The following STRN variants were observed in gnomAD, a reference collection of about 807,000 sequenced individuals.
The protein encoded by STRN is protein phosphatase 2 regulatory subunit B'''alpha.
In STRN, 53 loss-of-function variants were observed where a neutral mutation model predicts 96.3. That is an observed-to-expected ratio of 0.55 (90% CI 0.44 to 0.69). STRN has a LOEUF of 0.69. Ranked by LOEUF, STRN falls within the 30% of genes least tolerant of loss-of-function variation. The pLI is 0.00. For missense variants in STRN, 987 were observed against 963.9 expected, an observed-to-expected ratio of 1.02 and a Z score of -0.32; for synonymous variants, 428 against 355.9, an observed-to-expected ratio of 1.20 and a Z score of -2.28.
rs1667878029 is a variant in STRN, at chr2:36,838,762, A to G, written c.*10694T>C. 6.6e-6 allele frequency among the ~76,000 whole-genome samples: 1 copy of G among 152,192 alleles called. No individual in the cohort carries two copies. Among genetic ancestry groups the G allele is most frequent in the Non-Finnish European group, 1.5e-5 (1 of 68,020 alleles). On this transcript the variant is annotated 3_prime_UTR_variant, in exon 18 of 18. Transcript: ENST00000263918. ...GTAAAACCATCATGGTGACAAACAT[A>G]TACACAGGAATGTTTATTGTAATAA...
chr2:36,877,242 G>C (rs1362189924), intron 10 of STRN, among the ~76,000 whole-genome samples: 1 of 152,120 alleles, frequency 6.6e-6, no homozygotes, highest in East Asian at 1.9e-4. Flanking sequence ...AAAGAAGCAA[G>C]GCAAATATTG....
intron 2 of STRN, among the ~76,000 whole-genome samples, chr2:36,918,974 T>C (rs892055015): frequency 2.6e-5 from 4 of 152,304 alleles, no homozygotes; most frequent in African/African-American, 9.6e-5. Context: ...CTTTATTGGA[T>C]AAAAGTAGCA....
intron 10 of STRN, among the ~76,000 whole-genome samples, chr2:36,872,990 G>A (rs956732071): frequency 6.6e-6 from 1 of 152,234 alleles, no homozygotes; most frequent in African/African-American, 2.4e-5. Context: ...GGATGGCTGA[G>A]AAGCCGAGTA....
chr2:36,890,701 C>A (rs1669372782), intron 7 of STRN, among the ~76,000 whole-genome samples: 1 of 152,038 alleles, frequency 6.6e-6, no homozygotes, highest in African/African-American at 2.4e-5. Context: ...CCAGGCTAGT[C>A]TCAAACTCCT....
intron 9 of STRN, 114 bp downstream of exon 9, chr2:36,883,818 G>A (rs1056097446): frequency 9.5e-7 from 1 of 1,049,436 alleles, no homozygotes; most frequent in Non-Finnish European, 1.2e-6. Context: ...AAACTATGCA[G>A]ATCAAACATC....
At chr2:36,864,297 T>TA (rs1668566081) in intron 12 of STRN, among the ~76,000 whole-genome samples, 1 of 152,216 alleles carries the variant, frequency 6.6e-6, no homozygotes, top group South Asian at 2.1e-4. Context: ...GAGCTTGTCA[T>TA]AGATGGCTCT....
intron 3 of STRN, among the ~76,000 whole-genome samples, chr2:36,912,181 G>T (rs1214235807): frequency 6.6e-6 from 1 of 151,960 alleles, no homozygotes. Flanking sequence ...TTCCTATTTC[G>T]AGTATCTCTA....
rs1667855981 is a variant in STRN, at chr2:36,837,773, A to G, written c.*11683T>C. Reference sequence around the variant, plus strand: ...TCAACAGACAACTTACAAGAGTTGGAAAAAAATGTTTGCATCCAAGATAAG... The same window carrying G: ...TCAACAGACAACTTACAAGAGTTGGGAAAAAATGTTTGCATCCAAGATAAG... On this transcript the variant is annotated 3_prime_UTR_variant, in exon 18 of 18. Transcript: ENST00000263918. Among the ~76,000 whole-genome samples the G allele has an allele frequency of 6.6e-6, 1 of 152,218 alleles. No homozygotes were observed. Among genetic ancestry groups the G allele is most frequent in the South Asian group, 2.1e-4 (1 of 4,830 alleles).
At chr2:36,945,016 T>C (rs907857487) in intron 1 of STRN, among the ~76,000 whole-genome samples, 6 of 152,170 alleles carry the variant, frequency 3.9e-5, no homozygotes, top group Admixed American at 2.0e-4. Context: ...AGTGTATATA[T>C]AGCCAACAAA....
chr2:36,884,008 C>A lies in STRN; in HGVS notation c.1110G>T (p.Leu370Phe). The A allele has an allele frequency of 1.4e-6, 2 of 1,425,402 alleles. No homozygotes were observed. The highest frequency in any genetic ancestry group is 1.8e-5 in the South Asian group (1 of 56,036). 88.3% of individuals were successfully genotyped at this position (1,425,402 alleles called of 1,614,324 possible). A position where few individuals can be genotyped will look rare whatever the true frequency, so the allele number is the denominator to read the frequency against. Residue 370 changes from leucine (L) to phenylalanine (F), a missense_variant, in exon 9 of 18, where the codon TTG becomes TTT. Physicochemically the swap from Leu to Phe is conservative, Grantham distance 22 (BLOSUM62 0). Coordinates refer to ENST00000263918, the MANE Select transcript of STRN (RefSeq NM_003162.4). Reference protein sequence around the residue: ...NLRDVDELPSLQPSVGSPSRP... With the variant: ...NLRDVDELPSFQPSVGSPSRP... ...TGGAAGGTGAACCCACAGATGGCTG[C>A]AATGAAGGAAGTTCATCAACATCTC...
intron 2 of STRN, among the ~76,000 whole-genome samples, chr2:36,919,901 A>T (rs908338893): frequency 5.3e-5 from 8 of 152,212 alleles, no homozygotes; most frequent in African/African-American, 1.9e-4. Flanking sequence ...ATTTATATTA[A>T]ATTTTATCAC....
intron 1 of STRN, among the ~76,000 whole-genome samples, chr2:36,936,668 AAAGTGGTAATAGGAGTATGCATGTT>A (rs1443427263): frequency 6.6e-6 from 1 of 152,242 alleles, no homozygotes; most frequent in Non-Finnish European, 1.5e-5. Flanking sequence ...AGAAAGATGG[AAAGTGGTAATAGGAGTATGCATGTT>A]CTCCAACTTC....
chr2:36,937,347 A>G (rs1177745647), intron 1 of STRN, among the ~76,000 whole-genome samples: 1 of 150,632 alleles, frequency 6.6e-6, no homozygotes, highest in Non-Finnish European at 1.5e-5. Flanking sequence ...TGTCTCAAAA[A>G]AAAAAAAAAA....
intron 5 of STRN, 23 bp downstream of exon 5, chr2:36,902,561 C>T (rs1428270691): frequency 6.4e-7 from 1 of 1,569,258 alleles, no homozygotes; most frequent in Non-Finnish European, 8.7e-7. Flanking sequence ...ATAGCTAAAA[C>T]ACTTTCCAGA....
At chr2:36,903,583 T>C (rs979810254) in intron 4 of STRN, among the ~76,000 whole-genome samples, 2 of 152,174 alleles carry the variant, frequency 1.3e-5, no homozygotes, top group Non-Finnish European at 2.9e-5. Flanking sequence ...CATCGGACAT[T>C]AACTTATAAG....
chr2:36,958,030 C>T (rs1324846187), intron 1 of STRN, among the ~76,000 whole-genome samples: 1 of 151,526 alleles, frequency 6.6e-6, no homozygotes, highest in Non-Finnish European at 1.5e-5. Context: ...AGTGATTCTC[C>T]TGCCTCAGCC....
chr2:36,943,202 C>T (rs1194909133), intron 1 of STRN, among the ~76,000 whole-genome samples: 4 of 151,892 alleles, frequency 2.6e-5, no homozygotes, highest in African/African-American at 9.7e-5. Context: ...ACAAACTTTA[C>T]GTAGACATAT....
At chr2:36,913,072 G>A (rs917524844) in intron 3 of STRN, among the ~76,000 whole-genome samples, 10 of 152,128 alleles carry the variant, frequency 6.6e-5, no homozygotes, top group African/African-American at 1.9e-4. Flanking sequence ...CCTTGTCAAG[G>A]AAACCTTACT....
chr2:36,948,967 A>C (rs1664682396), intron 1 of STRN, among the ~76,000 whole-genome samples: 1 of 152,262 alleles, frequency 6.6e-6, no homozygotes, highest in Non-Finnish European at 1.5e-5. Context: ...TGGTTTAGAA[A>C]GAGTACAGGC....
Sources: gnomAD v4.1 joint callset for allele counts (sites outside exome capture counted in the v4.1 genomes callset) on GRCh38, gnomAD v4.1.1 for gene constraint, MANE v1.5 for transcripts, NCBI Gene and HGNC (gene_info 2026-07-23, HGNC 2026-07-21) for gene names.